Variants in ANKRD50 observed in about 807,000 individuals in gnomAD.
ANKRD50 encodes ankyrin repeat domain 50.
ANKRD50 carries 40 observed loss-of-function variants against 112.0 expected under a neutral mutation model. The ratio of observed to expected loss-of-function variants is 0.36; its 90% CI spans 0.28 to 0.46. ANKRD50 has a LOEUF of 0.46. Ranked by LOEUF, ANKRD50 falls within the 20% of genes least tolerant of loss-of-function variation. ANKRD50 has a pLI of 1.00. For synonymous variants in ANKRD50, 613 were observed against 619.1 expected (o/e 0.99, Z 0.15); for missense variants, 1,487 against 1,701.7 (o/e 0.87, Z 2.22).
intron 2 of ANKRD50, among the ~76,000 whole-genome samples, chr4:124,688,065 T>G (rs1725047026): frequency 6.6e-6 from 1 of 152,224 alleles, no homozygotes. Context: ...TTACAGCAGC[T>G]TTATTTATAA....
In ANKRD50 at chr4:124,670,571, G is replaced by A. The variant is rs1484515571; in HGVS notation, c.2706C>T (p.Asn902=). The A allele has an allele frequency of 1.2e-6, 2 of 1,613,066 alleles. No homozygotes were observed. The highest frequency in any genetic ancestry group is 2.2e-5 in the South Asian group (2 of 90,820). ...HYDCVQILLE[N]KSNIDQRGYD... The stretch of plus-strand genomic sequence containing the variant: ...AACCTCTTTGATCAATGTTGGATTT[G>A]TTTTCCAGTAATATTTGAACACAAT... The change falls in exon 4 of 5, where the codon AAC becomes AAT. Residue 902 remains asparagine (N), a synonymous_variant. Transcript: ENST00000504087.
rs181271942 is a variant in ANKRD50, at chr4:124,678,918, T to C, written c.513-13A>G. ...GAGTAGAACACACCTGTAAAACACA[T>C]ACACATGAGCATTTTGAATGTTAAG... On this transcript the variant is annotated splice_polypyrimidine_tract_variant and intron_variant, in intron 2 of 4. Coordinates refer to ENST00000504087, the MANE Select transcript of ANKRD50 (RefSeq NM_020337.3). The C allele has an allele frequency of 2.6e-6, 4 of 1,552,172 alleles. No individual in the cohort carries two copies. The highest frequency in any genetic ancestry group is 2.7e-5 in the African/African-American group (2 of 73,466).
rs1730683168 is a variant in ANKRD50, at chr4:124,672,411, G to A, written c.866C>T (p.Ala289Val). 6.2e-7 allele frequency: 1 copy of A among 1,613,070 alleles called. No individual in the cohort carries two copies. The highest frequency in any genetic ancestry group is 1.3e-5 in the African/African-American group (1 of 74,812). Reference sequence around the variant, plus strand: ...AATGTGCAGTTGATTTAACATCTCTGCAGTTTCTTTTGTGAGGTGTTGTCG... The same window carrying A: ...AATGTGCAGTTGATTTAACATCTCTACAGTTTCTTTTGTGAGGTGTTGTCG... Reference protein sequence around the residue: ...ALRQHLTKETAEMLNQLHIKS... With the variant: ...ALRQHLTKETVEMLNQLHIKS... Residue 289 changes from alanine (A) to valine (V), a missense_variant, in exon 4 of 5, where the codon GCA becomes GTA. Around this residue, in one of 2 missense-constraint regions of ANKRD50, gnomAD observed 1,046 missense variants for 1,269.5 expected, o/e 0.82. Transcript: ENST00000504087.
Position 124,667,060 on chromosome 4 carries a change from A to C in ANKRD50, c.*458T>G, listed in dbSNP as rs955127107. ...TGAGCAACGTCTTTAAAGATACAAG[A>C]AACAGGCCATACACTACAATGCAAT... On this transcript the variant is annotated 3_prime_UTR_variant, in exon 5 of 5. Coordinates refer to ENST00000504087, the MANE Select transcript of ANKRD50 (RefSeq NM_020337.3). 2.6e-5 allele frequency: 4 copies of C among 152,016 alleles called. No homozygotes were observed. Among genetic ancestry groups the C allele is most frequent in the African/African-American group, 4.8e-5 (2 of 41,414 alleles). 9.4% of individuals were successfully genotyped at this position (152,016 alleles called of 1,614,324 possible).
chr4:124,673,645 A>C (rs1230469580), intron 3 of ANKRD50, among the ~76,000 whole-genome samples: 2 of 152,110 alleles, frequency 1.3e-5, no homozygotes, highest in Non-Finnish European at 2.9e-5. Context: ...GTCAAAGCTG[A>C]CACTAACTTG....
At chr4:124,687,005 C>A (rs941390820) in intron 2 of ANKRD50, among the ~76,000 whole-genome samples, 1 of 152,054 alleles carries the variant, frequency 6.6e-6, no homozygotes, top group Admixed American at 6.6e-5. Context: ...GTTTGACATA[C>A]GGTATGTGGC....
At chr4:124,709,853 G>A in intron 2 of ANKRD50, 147 bp downstream of exon 2, 1 of 1,072,542 alleles carries the variant, frequency 9.3e-7, no homozygotes, top group Non-Finnish European at 1.3e-6. Flanking sequence ...GATATTCAAA[G>A]TAAACAGGTA....
chr4:124,681,913 T>C lies in ANKRD50; in HGVS notation c.513-3008A>G, dbSNP rs570899463. 2.5e-3 allele frequency among the ~76,000 whole-genome samples: 379 copies of C among 152,344 alleles called. 1 individual carries two copies. The highest frequency in any genetic ancestry group is 3.4e-3 in the Non-Finnish European group (230 of 68,026). ...TATATAGCTTTCAAATAATTGAGAA[T>C]GTCCCAGTTATCTATATCTGTATTA... On this transcript the variant is annotated intron_variant, in intron 2 of 4. Coordinates refer to ENST00000504087, the MANE Select transcript of ANKRD50 (RefSeq NM_020337.3).
chr4:124,692,686 G>C (rs1416695136), intron 2 of ANKRD50, among the ~76,000 whole-genome samples: 1 of 152,094 alleles, frequency 6.6e-6, no homozygotes, highest in Non-Finnish European at 1.5e-5. Context: ...ACCATGCGAT[G>C]ACAAAATACA....
rs1161946249 is a variant in ANKRD50, at chr4:124,709,048, A to T, written c.512+952T>A. Among the ~76,000 whole-genome samples, 5 of 147,900 alleles carry T rather than the reference A, an allele frequency of 3.4e-5. No individual in the cohort carries two copies. The East Asian group carries it at 1.0e-3, about 31-fold the overall frequency. ...TCAAATCTCTCCTAGAAACACACTC[A>T]AGCAGAAGAGAGCCACACACACACA... is the stretch of plus-strand genomic sequence containing the variant. On this transcript the variant is annotated intron_variant, in intron 2 of 4. Transcript: ENST00000504087.
rs1210504023 is a variant in ANKRD50 at position 124,710,905 on chromosome 4, T to G, written c.-394A>C. 9.5e-6 allele frequency: 4 copies of G among 420,738 alleles called. No homozygotes were observed. Among genetic ancestry groups the G allele is most frequent in the African/African-American group, 2.0e-5 (1 of 49,298 alleles). 26.1% of individuals were successfully genotyped at this position (420,738 alleles called of 1,614,324 possible). On this transcript the variant is annotated 5_prime_UTR_variant, in exon 2 of 5. Transcript: ENST00000504087. ...CAATCTTTCAATTTGTACAAAATGCTTCTCCAGATTCCAAGTGTTAATTCT... is the reference window on the plus strand; with the variant it reads ...CAATCTTTCAATTTGTACAAAATGCGTCTCCAGATTCCAAGTGTTAATTCT...
chr4:124,686,302 C>T (rs942836572), intron 2 of ANKRD50, among the ~76,000 whole-genome samples: 14 of 152,098 alleles, frequency 9.2e-5, no homozygotes, highest in African/African-American at 3.4e-4. Flanking sequence ...GAATGTCCCT[C>T]CTAGCCTTTT....
In ANKRD50 at chr4:124,671,068, G is replaced by A. The variant is rs1377673439; in HGVS notation, c.2209C>T (p.Arg737Ter). ...HASVVSLLID[R>*]GAEVDHCDKD... ...TCACAATGATCTACTTCAGCACCTC[G>A]ATCAATTAAAAGGCTAACAACTGAT... is the stretch of plus-strand genomic sequence containing the variant. The change falls in exon 4 of 5, where the codon CGA (arginine) becomes TGA (stop). Residue 737 changes from arginine (R) to a stop codon, truncating the protein, a stop_gained. Transcript: ENST00000504087. LOFTEE classifies it high-confidence loss of function. The A allele has an allele frequency of 1.9e-6, 3 of 1,613,694 alleles. No homozygotes were observed. The highest frequency in any genetic ancestry group is 2.5e-6 in the Non-Finnish European group (3 of 1,179,834).
intron 2 of ANKRD50, among the ~76,000 whole-genome samples, chr4:124,680,514 G>A (rs570340393): frequency 1.7e-4 from 26 of 152,266 alleles, no homozygotes; most frequent in African/African-American, 6.0e-4. Flanking sequence ...AGGGTAGAGG[G>A]AAGGTGGGGT....
At chr4:124,681,260 T>A (rs1724879175) in intron 2 of ANKRD50, among the ~76,000 whole-genome samples, 1 of 152,304 alleles carries the variant, frequency 6.6e-6, no homozygotes, top group Non-Finnish European at 1.5e-5. Context: ...CTCATCTGAT[T>A]CTCACATTAA....
In ANKRD50 at chr4:124,675,810, T is replaced by C. The variant is rs78503118; in HGVS notation, c.742+2866A>G. Among the ~76,000 whole-genome samples the C allele has an allele frequency of 3.4e-4, 52 of 151,886 alleles. No homozygotes were observed. The East Asian group carries it at 9.3e-3, about 27-fold the overall frequency. Reference sequence around the variant, plus strand: ...TCAGTCCCATAACAAGGCCTAACAATGATCAGCCTATGAGAATACCCTAGT... The same window carrying C: ...TCAGTCCCATAACAAGGCCTAACAACGATCAGCCTATGAGAATACCCTAGT... On this transcript the variant is annotated intron_variant, in intron 3 of 4. Coordinates refer to ENST00000504087, the MANE Select transcript of ANKRD50 (RefSeq NM_020337.3).
chr4:124,687,748 A>C (rs1725041881), intron 2 of ANKRD50, among the ~76,000 whole-genome samples: 1 of 152,192 alleles, frequency 6.6e-6, no homozygotes, highest in Admixed American at 6.5e-5. Context: ...GGCATCAAAT[A>C]AACATAAAAA....
chr4:124,682,870 TA>T (rs1440268182), intron 2 of ANKRD50, among the ~76,000 whole-genome samples: 1 of 152,116 alleles, frequency 6.6e-6, no homozygotes, highest in Non-Finnish European at 1.5e-5. Flanking sequence ...CATTTACACT[TA>T]ATGTAGTTGT....
chr4:124,671,455 C>A lies in ANKRD50; in HGVS notation c.1822G>T (p.Asp608Tyr). The change falls in exon 4 of 5, where the codon GAT becomes TAT. Residue 608 changes from aspartate (D) to tyrosine (Y), a missense_variant. Physicochemically the swap from Asp to Tyr is radical, Grantham distance 160. Around this residue, in one of 2 missense-constraint regions of ANKRD50, gnomAD observed 1,046 missense variants for 1,269.5 expected, o/e 0.82. Transcript: ENST00000504087. ...IGCGANINHT[D>Y]QDGWTALRSA... ...CTTAATGCTGTCCAACCATCTTGAT[C>A]AGTATGATTAATATTTGCTCCACAC... 1 of 1,613,780 alleles carries A rather than the reference C, an allele frequency of 6.2e-7. No homozygotes were observed. Among genetic ancestry groups the A allele is most frequent in the Non-Finnish European group, 8.5e-7 (1 of 1,179,840 alleles).
Sources: gnomAD v4.1 joint callset for allele counts (sites outside exome capture counted in the v4.1 genomes callset) on GRCh38, gnomAD v4.1.1 for gene constraint, gnomAD v4.1.1 regional missense constraint, MANE v1.5 for transcripts, NCBI Gene and HGNC (gene_info 2026-07-23, HGNC 2026-07-21) for gene names.